The following HDAC9 variants were observed in gnomAD, a reference collection of about 807,000 sequenced individuals.
HDAC9 encodes the protein histone deacetylase 9.
In HDAC9, 41 loss-of-function variants were observed where a neutral mutation model predicts 139.4. The observed-to-expected ratio is 0.29, with a 90% confidence interval of 0.23 to 0.38. The LOEUF is 0.38. HDAC9 is among the 10% of genes least tolerant of loss of function. HDAC9 has a pLI of 1.00. For missense variants in HDAC9, 1,147 were observed against 1,297.0 expected (o/e 0.88, Z 1.78); for synonymous variants, 517 against 476.2 (o/e 1.09, Z -1.12).
chr7:18,882,201 TTC>T (rs1799791697), intron 22 of HDAC9, among the ~76,000 whole-genome samples: 1 of 152,156 alleles, frequency 6.6e-6, no homozygotes, highest in South Asian at 2.1e-4. Context: ...ATAATTTTTT[TTC>T]TTTTTTGCCA....
intron 11 of HDAC9, among the ~76,000 whole-genome samples, chr7:18,658,145 A>AC (rs149983228): frequency 0.026 from 4,019 of 152,118 alleles, 53 homozygotes; most frequent in Non-Finnish European, 0.034. Context: ...CCACCTGCTC[A>AC]CCCCTTCTTT....
At chr7:18,161,624 A>G (rs1277278429) in intron 1 of HDAC9, among the ~76,000 whole-genome samples, 1 of 152,216 alleles carries the variant, frequency 6.6e-6, no homozygotes, top group Non-Finnish European at 1.5e-5. Context: ...TCCTTTTAAG[A>G]AGTCCATCCT....
chr7:18,519,031 G>T (rs1804130831), intron 2 of HDAC9, among the ~76,000 whole-genome samples: 1 of 152,168 alleles, frequency 6.6e-6, no homozygotes, highest in Non-Finnish European at 1.5e-5. Flanking sequence ...GCAAACATCT[G>T]TGGGCTCTAA....
intron 2 of HDAC9, among the ~76,000 whole-genome samples, chr7:18,254,845 A>T (rs1421043542): frequency 6.6e-6 from 1 of 152,086 alleles, no homozygotes; most frequent in African/African-American, 2.4e-5. Context: ...TATTGTGTGG[A>T]TTTGCATTTT....
At chr7:18,686,627 G>A (rs1397335318) in intron 12 of HDAC9, among the ~76,000 whole-genome samples, 1 of 151,854 alleles carries the variant, frequency 6.6e-6, no homozygotes, top group Admixed American at 6.6e-5. Flanking sequence ...AGAATATCTA[G>A]AGAAACACGA....
intron 1 of HDAC9, among the ~76,000 whole-genome samples, chr7:18,435,810 G>T (rs13362863): frequency 0.04 from 6,096 of 151,168 alleles, 192 homozygotes; most frequent in East Asian, 0.11. Context: ...GAATGGAATA[G>T]AAACATATGT....
At chr7:18,786,232 T>C (rs1791702565) in intron 16 of HDAC9, among the ~76,000 whole-genome samples, 1 of 152,120 alleles carries the variant, frequency 6.6e-6, no homozygotes, top group Admixed American at 6.5e-5. Flanking sequence ...GATTGCAACA[T>C]GTTATTCTTC....
chr7:18,751,951 A>T (rs969538436), intron 14 of HDAC9, among the ~76,000 whole-genome samples: 1 of 148,950 alleles, frequency 6.7e-6, no homozygotes, highest in African/African-American at 2.5e-5. Flanking sequence ...TCCCAAGTCC[A>T]TTTTTTTTTT....
intron 2 of HDAC9, among the ~76,000 whole-genome samples, chr7:18,562,069 T>G (rs1423535087): frequency 6.6e-6 from 1 of 152,222 alleles, no homozygotes; most frequent in Non-Finnish European, 1.5e-5. Flanking sequence ...TTGATTTGCA[T>G]TGCCCTGAAG....
chr7:18,202,045 T>C (rs1474148730), intron 2 of HDAC9, among the ~76,000 whole-genome samples: 1 of 152,218 alleles, frequency 6.6e-6, no homozygotes, highest in African/African-American at 2.4e-5. Context: ...GAAAGACTTT[T>C]ACCTCTCTGT....
chr7:18,583,533 A>G (rs531442379), intron 2 of HDAC9, among the ~76,000 whole-genome samples: 1 of 151,996 alleles, frequency 6.6e-6, no homozygotes, highest in East Asian at 1.9e-4. Flanking sequence ...AGCCTTCGCG[A>G]CATAGCAAGA....
intron 17 of HDAC9, among the ~76,000 whole-genome samples, chr7:18,826,465 G>C (rs1378046515): frequency 3.9e-5 from 6 of 152,182 alleles, no homozygotes; most frequent in African/African-American, 7.2e-5. Context: ...GGTGGATCAT[G>C]ATGACTGAGA....
chr7:18,447,838 A>G (rs1792436469), intron 1 of HDAC9, among the ~76,000 whole-genome samples: 1 of 152,152 alleles, frequency 6.6e-6, no homozygotes, highest in Non-Finnish European at 1.5e-5. Flanking sequence ...ACACAACTAG[A>G]GCGTATACAA....
rs369622176 is a variant in HDAC9, at chr7:18,779,384, G to C, written c.2214+12229G>C. On this transcript the variant is annotated intron_variant, in intron 16 of 25. Coordinates refer to ENST00000686413, the MANE Select transcript of HDAC9 (RefSeq NM_178425.4). ...TACAGCCTCAGAGCTGATTGAAAAAGAATGCAATAAAGAATATCAGAGGTT... is the reference window on the plus strand; with the variant it reads ...TACAGCCTCAGAGCTGATTGAAAAACAATGCAATAAAGAATATCAGAGGTT... Among the ~76,000 whole-genome samples the C allele has an allele frequency of 3.3e-5, 5 of 152,078 alleles. No individual in the cohort carries two copies. In the South Asian group the frequency reaches 6.2e-4, roughly 19 times the overall value.
intron 2 of HDAC9, among the ~76,000 whole-genome samples, chr7:18,553,496 A>C (rs1817774768): frequency 6.6e-6 from 1 of 152,218 alleles, no homozygotes; most frequent in Admixed American, 6.5e-5. Flanking sequence ...AGTCTAATCA[A>C]ACAATTAAGA....
chr7:18,169,401 C>A (rs1788245666), intron 2 of HDAC9, among the ~76,000 whole-genome samples: 1 of 151,728 alleles, frequency 6.6e-6, no homozygotes, highest in African/African-American at 2.4e-5. Flanking sequence ...GGTGAGGCAT[C>A]GTTATGGTTT....
chr7:18,637,411 C>T (rs1386730082), intron 8 of HDAC9, among the ~76,000 whole-genome samples: 2 of 151,918 alleles, frequency 1.3e-5, no homozygotes, highest in African/African-American at 4.8e-5. Flanking sequence ...ATTTCTAAAG[C>T]CATAACTTGG....
intron 2 of HDAC9, among the ~76,000 whole-genome samples, chr7:18,277,400 G>A (rs995301879): frequency 5.3e-5 from 8 of 152,166 alleles, no homozygotes; most frequent in Admixed American, 3.3e-4. Flanking sequence ...AGAGCAGCAG[G>A]TGCAAATTGG....
chr7:18,599,731 G>A (rs2695025), intron 6 of HDAC9, among the ~76,000 whole-genome samples: 11 of 152,118 alleles, frequency 7.2e-5, no homozygotes, highest in Non-Finnish European at 1.2e-4. Context: ...TGGTGATTAT[G>A]AATAAGCTGC....
Sources: allele counts gnomAD v4.1 joint callset (sites outside exome capture counted in the v4.1 genomes callset), GRCh38; gene constraint gnomAD v4.1.1; transcripts MANE v1.5; gene names NCBI Gene and HGNC (gene_info 2026-07-23, HGNC 2026-07-21).